Variants in SBF1 observed in about 807,000 individuals in gnomAD.
SBF1 encodes myotubularin-related protein 5.
Under a neutral mutation model 215.8 loss-of-function variants are expected in SBF1, and 65 were observed. The observed-to-expected ratio is 0.30, with a 90% CI of 0.25 to 0.37. The LOEUF is 0.37. Among genes scored for constraint, SBF1 ranks in the 10% least tolerant of loss-of-function variants. SBF1 has a pLI of 1.00. For synonymous variants in SBF1, 1,410 were observed against 1,122.8 expected (o/e 1.26, Z -5.11); for missense variants, 2,634 against 2,667.8 (o/e 0.99, Z 0.28).
chr22:50,453,839 C>T (rs1044894188), intron 36 of SBF1, among the ~76,000 whole-genome samples: 1 of 152,104 alleles, frequency 6.6e-6, no homozygotes, highest in Non-Finnish European at 1.5e-5. Context: ...CAGTGGGGAG[C>T]TGAGTGCAGG....
Position 50,456,325 on chromosome 22 carries a change from T to C in SBF1, c.4157A>G (p.Lys1386Arg). 6.2e-7 allele frequency: 1 copy of C among 1,613,038 alleles called. No homozygotes were observed. The highest frequency in any genetic ancestry group is 8.5e-7 in the Non-Finnish European group (1 of 1,179,994). ...TTTCAGCAGCTTCTTGAAGCTAGCCTTCACCTGCCGTGCCTCGAATACCTC... is the reference window on the plus strand; with the variant it reads ...TTTCAGCAGCTTCTTGAAGCTAGCCCTCACCTGCCGTGCCTCGAATACCTC... ...PIEVFEARQV[K>R]ASFKKLLKAC... Residue 1386 changes from lysine (K) to arginine (R), a missense_variant, in exon 31 of 41, where the codon AAG becomes AGG. Physicochemically the swap from Lys to Arg is conservative, Grantham distance 26. Transcript: ENST00000380817.
intron 2 of SBF1, 134 bp downstream of exon 2, chr22:50,468,242 A>G: frequency 1.2e-6 from 1 of 816,736 alleles, no homozygotes. Flanking sequence ...CCCCCGACAG[A>G]GGCTCTGCTG....
chr22:50,448,701 GAGC>G, intron 36 of SBF1, 51 bp from the exon 37 acceptor site: 2 of 1,445,414 alleles, frequency 1.4e-6, no homozygotes, highest in Non-Finnish European at 1.9e-6. Flanking sequence ...ATCCAGACTA[GAGC>G]ACGAAAAGAC....
chr22:50,471,420 G>A (rs2067991299), intron 1 of SBF1, among the ~76,000 whole-genome samples: 2 of 152,198 alleles, frequency 1.3e-5, no homozygotes, highest in South Asian at 4.1e-4. Flanking sequence ...ACGCCTGGAG[G>A]GCTGGCCCAG....
Position 50,462,346 on chromosome 22 carries a change from G to A in SBF1, c.2255C>T (p.Thr752Met), listed in dbSNP as rs188976869. 386 of 1,614,122 alleles carry A rather than the reference G, an allele frequency of 2.4e-4. 1 individual carries two copies. The African/African-American group carries it at 3.7e-3, about 15-fold the overall frequency. ...ATAGTGGATGGCCTGGCTGAACACC[G>A]TGCTCTCCTCCTTCTGCACCAGCTC... ...QQELVQKEES[T>M]VFSQAIHYAN... Residue 752 changes from threonine to methionine, a missense_variant, in exon 19 of 41, where the codon ACG becomes ATG. Transcript: ENST00000380817.
rs1369119607 is a variant in SBF1, at chr22:50,461,179, G to T, written c.2947C>A (p.Leu983Met). 2 of 1,608,612 alleles carry T rather than the reference G, an allele frequency of 1.2e-6. No homozygotes were observed. Among genetic ancestry groups the T allele is most frequent in the East Asian group, 4.5e-5 (2 of 44,728 alleles). ...CCCACCTGGAATGTGCAGGAGCGCA[G>T]CTGGAGCCCGTCCTGCAGGAGCTGG... ...VDQLLQDGLQ[L>M]RSCTFQLLKM... Residue 983 changes from leucine (L) to methionine (M), a missense_variant, in exon 23 of 41, where the codon CTG (leucine) becomes ATG (methionine). Leu to Met is a conservative substitution (Grantham distance 15, BLOSUM62 2). Transcript: ENST00000380817.
At position 50,457,038 on chromosome 22, in the gene SBF1, G is replaced by C. The variant is rs776621303; in HGVS notation, c.3900C>G (p.Pro1300=). 5.6e-6 allele frequency: 8 copies of C among 1,439,560 alleles called. No individual in the cohort carries two copies. The highest frequency in any genetic ancestry group is 7.3e-6 in the Non-Finnish European group (8 of 1,099,444). 89.2% of individuals were successfully genotyped at this position (1,439,560 alleles called of 1,614,324 possible). A position where few individuals can be genotyped will look rare whatever the true frequency, so the allele number is the denominator to read the frequency against. ...MAASASRRTA[P]RGKWGSVRTS... ...TGCGCAGGCTCGGTACGGTACCTCG[G>C]GGTGCGGTCCGTCTGGAGGCCGAGG... The change falls in exon 29 of 41, where the codon CCC becomes CCG. Residue 1300 remains proline, a synonymous_variant. Coordinates refer to ENST00000380817, the MANE Select transcript of SBF1 (RefSeq NM_002972.4).
chr22:50,456,553 G>T lies in SBF1; in HGVS notation c.4025C>A (p.Pro1342Gln). ...PPQANGGPPD[P>Q]GFLRPQRAAL... ...TGCTCGCTGCGGACGCAGGAAGCCC[G>T]GGTCGGGAGGGCCCCCGTTGGCCTG... The change falls in exon 30 of 41, where the codon CCG becomes CAG. Residue 1342 changes from proline to glutamine, a missense_variant. By Grantham distance (76) the Pro-to-Gln change is moderately conservative. Transcript: ENST00000380817. 1 of 1,525,430 alleles carries T rather than the reference G, an allele frequency of 6.6e-7. No individual in the cohort carries two copies. The highest frequency in any genetic ancestry group is 2.5e-5 in the East Asian group (1 of 39,312). The allele number at this position is 1,525,430 out of a possible 1,614,324, so 94.5% of individuals were successfully genotyped here.
intron 36 of SBF1, among the ~76,000 whole-genome samples, chr22:50,453,317 T>C (rs1025672651): frequency 6.6e-6 from 1 of 152,236 alleles, no homozygotes; most frequent in East Asian, 1.9e-4. Flanking sequence ...AAAAAGGGAC[T>C]GCTGTCTGTG....
rs1284058827 is a variant in SBF1, at chr22:50,464,580, A to G, written c.1590T>C (p.Ala530=). 1 of 1,612,172 alleles carries G rather than the reference A, an allele frequency of 6.2e-7. No individual in the cohort carries two copies. The highest frequency in any genetic ancestry group is 1.1e-5 in the South Asian group (1 of 90,940). Residue 530 remains alanine (A), a synonymous_variant, in exon 14 of 41, where the codon GCT becomes GCC. Transcript: ENST00000380817. ...CGGTGGTCCTCCTCTCGGCCTTCAC[A>G]GCTGGGGGTGCACCCTGCATCTTGG... The part of the protein sequence containing the change: ...AAAKMQGAPP[A]VKAERRTTVP...
rs148111223 is a variant in SBF1, at chr22:50,455,352, G to A, written c.4426C>T (p.Arg1476Cys). 2.9e-5 allele frequency: 46 copies of A among 1,613,370 alleles called. No homozygotes were observed. The highest frequency in any genetic ancestry group is 3.6e-5 in the Non-Finnish European group (43 of 1,179,960). ...AGCCACTCCTTCTCCACCAGCAGGC[G>A]AAAGCCCTCCAGCGTGCGGTAGAAG... ...DPFYRTLEGF[R>C]LLVEKEWLSF... is the part of the protein sequence containing the mutation. Residue 1476 changes from arginine to cysteine, a missense_variant, in exon 33 of 41, where the codon CGC becomes TGC. Transcript: ENST00000380817.
chr22:50,458,565 G>T (rs181680815), intron 28 of SBF1, among the ~76,000 whole-genome samples: 25 of 152,232 alleles, frequency 1.6e-4, no homozygotes, highest in Non-Finnish European at 3.7e-4. Context: ...ATTGTAAAAT[G>T]TAAGTATATA....
Position 50,462,395 on chromosome 22 carries a change from T to A in SBF1, c.2206A>T (p.Thr736Ser), listed in dbSNP as rs1435420604. 1 of 1,614,040 alleles carries A rather than the reference T, an allele frequency of 6.2e-7. No homozygotes were observed. Among genetic ancestry groups the A allele is most frequent in the Non-Finnish European group, 8.5e-7 (1 of 1,179,992 alleles). The change falls in exon 19 of 41, where the codon ACT becomes TCT. Residue 736 changes from threonine (T) to serine (S), a missense_variant. By Grantham distance (58) the Thr-to-Ser change is moderately conservative. Transcript: ENST00000380817. ...TCCTGCTGCTTCTCACGACTCAGAG[T>A]TGGCCACAAGCGCCGCTGCTCAGAA... is the stretch of plus-strand genomic sequence containing the variant. Reference protein sequence around the residue: ...VASEQRRLWPTLSREKQQELV... With the variant: ...VASEQRRLWPSLSREKQQELV...
intron 28 of SBF1, among the ~76,000 whole-genome samples, chr22:50,458,165 C>T (rs890416089): frequency 1.3e-4 from 20 of 152,172 alleles, no homozygotes; most frequent in Middle Eastern, 3.4e-3. Context: ...ATCAGCCGGG[C>T]GCGGTGGCGG....
Position 50,460,652 on chromosome 22 carries a change from G to T in SBF1, c.3028C>A (p.Gln1010Lys). 1 of 1,614,046 alleles carries T rather than the reference G, an allele frequency of 6.2e-7. No homozygotes were observed. The highest frequency in any genetic ancestry group is 8.5e-7 in the Non-Finnish European group (1 of 1,180,036). Residue 1010 changes from glutamine to lysine, a missense_variant, in exon 24 of 41, where the codon CAG (glutamine) becomes AAG (lysine). Transcript: ENST00000380817. ...GGCGGGTACCGCAGCTTATGCAGCT[G>T]CTTACGGAAGAGCTCGGCGCTGTCA... Reference protein sequence around the residue: ...GSDSAELFRKQLHKLRYPPDI... With the variant: ...GSDSAELFRKKLHKLRYPPDI...
intron 36 of SBF1, among the ~76,000 whole-genome samples, chr22:50,453,503 C>G (rs375545892): frequency 1.3e-5 from 2 of 152,180 alleles, no homozygotes; most frequent in African/African-American, 4.8e-5. Flanking sequence ...GCTTAGATAA[C>G]TAGGCCAGGC....
At chr22:50,472,579 G>A (rs1210993970) in intron 1 of SBF1, among the ~76,000 whole-genome samples, 1 of 152,232 alleles carries the variant, frequency 6.6e-6, no homozygotes, top group East Asian at 1.9e-4. Flanking sequence ...CTGTGCATTC[G>A]CTGCATCCTC....
At chr22:50,449,752 A>G (rs1181125533) in intron 36 of SBF1, among the ~76,000 whole-genome samples, 1 of 152,196 alleles carries the variant, frequency 6.6e-6, no homozygotes, top group Non-Finnish European at 1.5e-5. Flanking sequence ...AAAGAGCAAC[A>G]ATAAAACTGA....
intron 1 of SBF1, among the ~76,000 whole-genome samples, chr22:50,468,794 C>A (rs2067888438): frequency 6.6e-6 from 1 of 152,076 alleles, no homozygotes; most frequent in African/African-American, 2.4e-5. Flanking sequence ...CCCACAGCAT[C>A]TGCCACCACC....
Sources: allele counts gnomAD v4.1 joint callset (sites outside exome capture counted in the v4.1 genomes callset), GRCh38; gene constraint gnomAD v4.1.1; transcripts MANE v1.5; gene names NCBI Gene and HGNC (gene_info 2026-07-23, HGNC 2026-07-21).